Variants in FYB1 observed in about 807,000 individuals in gnomAD.
FYB1 encodes the protein FYN binding protein 1, also known as FYN-binding protein 1.
A neutral mutation model predicts 94.1 loss-of-function variants in FYB1; 41 were observed. The ratio of observed to expected loss-of-function variants is 0.44; its 90% CI spans 0.34 to 0.57. FYB1 has a LOEUF of 0.57. FYB1 is among the 20% of genes least tolerant of loss of function. The probability of loss-of-function intolerance (pLI) is 0.02; values close to 1 mark genes in which losing one functional copy is unlikely to be tolerated. For synonymous variants in FYB1, 367 were observed against 353.2 expected, an observed-to-expected ratio of 1.04 and a Z score of -0.44; for missense variants, 1,050 against 976.8, an observed-to-expected ratio of 1.07 and a Z score of -1.00.
rs1186550813 is a variant in FYB1 at position 39,271,619 on chromosome 5, CA to C, written c.-28+2783del. ...CCTATATCCATACAAAATCCTTTTT[CA>C]AAAAAGATGTTACCTGTTATTTATT... is the stretch of plus-strand genomic sequence containing the variant. On this transcript the variant is annotated intron_variant, in intron 1 of 1. Transcript: ENST00000510188. 2.0e-5 allele frequency among the ~76,000 whole-genome samples: 3 copies of C among 151,926 alleles called. No individual in the cohort carries two copies. In the East Asian group the frequency reaches 5.8e-4, roughly 29 times the overall value.
At chr5:39,109,059 G>T (rs1177516708) in intron 17 of FYB1, among the ~76,000 whole-genome samples, 1 of 152,088 alleles carries the variant, frequency 6.6e-6, no homozygotes, top group Non-Finnish European at 1.5e-5. Flanking sequence ...GCCTTGAAAT[G>T]TAAGATATAC....
chr5:39,205,619 C>G lies in FYB1; in HGVS notation c.-27-2632G>C, dbSNP rs547585101. ...CCCATGAAATACCCTAGCCCATGATCAAACTCAATGTCCTGGCTTTGGTTT... is the reference window on the plus strand; with the variant it reads ...CCCATGAAATACCCTAGCCCATGATGAAACTCAATGTCCTGGCTTTGGTTT... On this transcript the variant is annotated intron_variant, in intron 1 of 18. Coordinates refer to ENST00000512982, the MANE Select transcript of FYB1 (RefSeq NM_001465.6). Among the ~76,000 whole-genome samples, 5 of 152,246 alleles carry G rather than the reference C, an allele frequency of 3.3e-5. No individual in the cohort carries two copies. In the East Asian group the frequency reaches 9.7e-4, roughly 29 times the overall value.
chr5:39,226,921 T>C (rs1233612506), intron 1 of FYB1, among the ~76,000 whole-genome samples: 1 of 152,196 alleles, frequency 6.6e-6, no homozygotes, highest in African/African-American at 2.4e-5. Context: ...CTATCTCTTA[T>C]CTTTCCATGC....
intron 1 of FYB1, among the ~76,000 whole-genome samples, chr5:39,269,213 C>A (rs550860550): frequency 6.6e-6 from 1 of 152,264 alleles, no homozygotes; most frequent in South Asian, 2.1e-4. Context: ...CGATGCCCAG[C>A]TAATTTTTTG....
upstream of FYB1, among the ~76,000 whole-genome samples, chr5:39,222,001 T>C (rs928618210): frequency 9.2e-5 from 14 of 151,408 alleles, no homozygotes; most frequent in Admixed American, 6.6e-5. Context: ...AGACTCTGTC[T>C]CAAAAATAAA....
At chr5:39,273,888 A>G (rs964804109) in intron 1 of FYB1, among the ~76,000 whole-genome samples, 17 of 152,068 alleles carry the variant, frequency 1.1e-4, no homozygotes, top group African/African-American at 3.9e-4. Flanking sequence ...ATTAATGATC[A>G]TTACTGAGAA....
Position 39,188,144 on chromosome 5 carries a change from A to G in FYB1, c.1135+13682T>C, listed in dbSNP as rs544807704. Among the ~76,000 whole-genome samples the G allele has an allele frequency of 6.6e-5, 10 of 152,148 alleles. No individual in the cohort carries two copies. In the South Asian group the frequency reaches 2.1e-3, roughly 32 times the overall value. ...CCAAAGGCCCCGATATCCCTCAGGA[A>G]CCCTTGGACCTCTTTGTGATCCAGT... On this transcript the variant is annotated intron_variant, in intron 2 of 18. Transcript: ENST00000512982.
At chr5:39,231,201 G>T (rs928181759) in intron 1 of FYB1, among the ~76,000 whole-genome samples, 1 of 148,306 alleles carries the variant, frequency 6.7e-6, no homozygotes, top group Non-Finnish European at 1.5e-5. Context: ...GTAGCCACCA[G>T]CTTCAGCTGC....
intron 2 of FYB1, among the ~76,000 whole-genome samples, chr5:39,162,833 T>C (rs546762266): frequency 1.3e-5 from 2 of 152,284 alleles, no homozygotes; most frequent in African/African-American, 4.8e-5. Context: ...ATAAATGCTA[T>C]ATCAATTGGA....
chr5:39,206,133 G>A (rs696741), intron 1 of FYB1, among the ~76,000 whole-genome samples: 5,460 of 152,226 alleles, frequency 0.036, 325 homozygotes, highest in African/African-American at 0.12. Context: ...TTTAAGTTTG[G>A]TTTACCTACA....
Position 39,183,305 on chromosome 5 carries a change from T to A in FYB1, c.1135+18521A>T, listed in dbSNP as rs1274357211. ...CTGGCCTTGTTTCCTTTTTTTAAGG[T>A]ACGATTAAGCTCTAATCCAGGACTG... is the stretch of plus-strand genomic sequence containing the variant. On this transcript the variant is annotated intron_variant, in intron 2 of 18. Transcript: ENST00000512982. Among the ~76,000 whole-genome samples the A allele has an allele frequency of 2.0e-5, 3 of 152,202 alleles. No homozygotes were observed. In the East Asian group the frequency reaches 5.8e-4, roughly 29 times the overall value.
At chr5:39,234,086 C>T (rs1420728166) in intron 1 of FYB1, among the ~76,000 whole-genome samples, 1 of 152,058 alleles carries the variant, frequency 6.6e-6, no homozygotes. Flanking sequence ...GCATGATATC[C>T]AGGCTCATTT....
At chr5:39,215,299 A>G (rs953563109) in intron 1 of FYB1, among the ~76,000 whole-genome samples, 1 of 152,244 alleles carries the variant, frequency 6.6e-6, no homozygotes, top group African/African-American at 2.4e-5. Flanking sequence ...ATCTAATATG[A>G]ATAAAATAAT....
intron 2 of FYB1, among the ~76,000 whole-genome samples, chr5:39,160,370 A>G (rs1744139400): frequency 6.6e-6 from 1 of 152,168 alleles, no homozygotes; most frequent in Admixed American, 6.5e-5. Flanking sequence ...AACAGAAACC[A>G]CTTTTTCCTC....
rs576090559 is a variant in FYB1 at position 39,234,912 on chromosome 5, G to C, written c.-27-31925C>G. On this transcript the variant is annotated intron_variant, in intron 1 of 1. Coordinates refer to the FYB1 transcript ENST00000510188. Reference sequence around the variant, plus strand: ...TCAGGGGGTCGGGGGCAAGGGGTGGGATAGTATTAGAACAAATACCTAATG... The same window carrying C: ...TCAGGGGGTCGGGGGCAAGGGGTGGCATAGTATTAGAACAAATACCTAATG... Among the ~76,000 whole-genome samples the C allele has an allele frequency of 1.1e-4, 16 of 152,070 alleles. No homozygotes were observed. The South Asian group carries it at 2.7e-3, about 26-fold the overall frequency.
At chr5:39,188,796 G>T (rs938607267) in intron 2 of FYB1, among the ~76,000 whole-genome samples, 1 of 152,054 alleles carries the variant, frequency 6.6e-6, no homozygotes, top group Non-Finnish European at 1.5e-5. Context: ...GCCTCCCAAA[G>T]TGTTGGGACT....
intron 1 of FYB1, among the ~76,000 whole-genome samples, chr5:39,243,557 T>C (rs2150592686): frequency 6.6e-6 from 1 of 152,246 alleles, no homozygotes; most frequent in East Asian, 1.9e-4. Flanking sequence ...TGTAGTATAG[T>C]TTGAAGTCAG....
Position 39,134,985 on chromosome 5 carries a change from A to C in FYB1, c.1545T>G (p.Leu515=). The change falls in exon 8 of 19, where the codon CTT becomes CTG. Residue 515 remains leucine, a synonymous_variant. Transcript: ENST00000512982. ...KLTGPIQVIH[L]AKACCDVKGG... ...CTTTGACATCACAACAAGCTTTTGC[A>C]AGATGGATGACTTGAATAGGGCCTG... 6.2e-7 allele frequency: 1 copy of C among 1,613,964 alleles called. No individual in the cohort carries two copies.
intron 2 of FYB1, among the ~76,000 whole-genome samples, chr5:39,175,701 A>G (rs1418970723): frequency 6.6e-6 from 1 of 152,194 alleles, no homozygotes; most frequent in Admixed American, 6.5e-5. Flanking sequence ...AATGCTGGGC[A>G]GAAAGGAATC....
Sources: allele counts gnomAD v4.1 joint callset (sites outside exome capture counted in the v4.1 genomes callset), GRCh38; gene constraint gnomAD v4.1.1; transcripts MANE v1.5; gene names NCBI Gene and HGNC (gene_info 2026-07-23, HGNC 2026-07-21).